Variants in ADGRB3 observed in about 807,000 individuals in gnomAD.
ADGRB3 encodes brain-specific angiogenesis inhibitor 3.
A neutral mutation model predicts 193.4 loss-of-function variants in ADGRB3; 37 were observed. The ratio of observed to expected loss-of-function variants is 0.19; its 90% CI spans 0.15 to 0.25. The LOEUF is 0.25. Among genes scored for constraint, ADGRB3 ranks in the 10% least tolerant of loss-of-function variants. ADGRB3 has a pLI of 1.00. For synonymous variants in ADGRB3, 690 were observed against 644.2 expected (o/e 1.07, Z -1.08); for missense variants, 1,637 against 1,852.9 (o/e 0.88, Z 2.14).
At chr6:69,383,801 G>A (rs1419568367) in intron 31 of ADGRB3, among the ~76,000 whole-genome samples, 1 of 152,032 alleles carries the variant, frequency 6.6e-6, no homozygotes, top group Non-Finnish European at 1.5e-5. Context: ...ATAAGACATA[G>A]AGCTGGGACT....
chr6:69,149,922 T>TTC (rs1186224665), intron 17 of ADGRB3, among the ~76,000 whole-genome samples: 16 of 125,544 alleles, frequency 1.3e-4, no homozygotes, highest in Admixed American at 4.3e-4. Context: ...CTGTCTGTCT[T>TTC]TCTGTGTGTG....
chr6:69,244,427 C>G (rs1481806149), intron 20 of ADGRB3, among the ~76,000 whole-genome samples: 2 of 152,072 alleles, frequency 1.3e-5, no homozygotes, highest in Non-Finnish European at 2.9e-5. Flanking sequence ...CAAGCACTCT[C>G]TAATTCAACT....
At chr6:69,225,914 G>A (rs979490131) in intron 17 of ADGRB3, among the ~76,000 whole-genome samples, 1 of 152,100 alleles carries the variant, frequency 6.6e-6, no homozygotes, top group Non-Finnish European at 1.5e-5. Flanking sequence ...ATGATGGCAG[G>A]TAGCATATTT....
rs143577703 is a variant in ADGRB3 at position 68,764,095 on chromosome 6, A to G, written c.757+124663A>G. ...TCAAATACATACATAAATAAATAAA[A>G]TTTTTAGACATGAAATAGGCATTGG... is the stretch of plus-strand genomic sequence containing the variant. On this transcript the variant is annotated intron_variant, in intron 3 of 31. Coordinates refer to ENST00000370598, the MANE Select transcript of ADGRB3 (RefSeq NM_001704.3). Among the ~76,000 whole-genome samples, 263 of 152,236 alleles carry G rather than the reference A, an allele frequency of 1.7e-3. 1 individual carries two copies. Among genetic ancestry groups the G allele is most frequent in the African/African-American group, 5.8e-3 (243 of 41,540 alleles).
At chr6:69,119,468 G>A (rs1339909620) in intron 17 of ADGRB3, among the ~76,000 whole-genome samples, 2 of 152,152 alleles carry the variant, frequency 1.3e-5, no homozygotes, top group African/African-American at 4.8e-5. Context: ...GGTAATATGT[G>A]CTTTGAAAAA....
At chr6:69,243,100 T>C (rs147072747) in intron 20 of ADGRB3, among the ~76,000 whole-genome samples, 43 of 152,018 alleles carry the variant, frequency 2.8e-4, no homozygotes, top group African/African-American at 9.2e-4. Context: ...TTTTAACTGA[T>C]AGAAGACAAA....
At chr6:68,662,984 A>C (rs1247878518) in intron 3 of ADGRB3, among the ~76,000 whole-genome samples, 2 of 151,110 alleles carry the variant, frequency 1.3e-5, no homozygotes, top group Non-Finnish European at 1.5e-5. Context: ...GGTTAAATAG[A>C]TAATAACTTT....
intron 3 of ADGRB3, among the ~76,000 whole-genome samples, chr6:68,695,542 A>G (rs1384741868): frequency 2.6e-5 from 4 of 152,046 alleles, no homozygotes; most frequent in African/African-American, 9.7e-5. Context: ...AGGATGTAAA[A>G]GAAAGCCTAG....
intron 3 of ADGRB3, among the ~76,000 whole-genome samples, chr6:68,879,213 C>CT (rs529789046): frequency 0.071 from 6,537 of 91,924 alleles, 1,035 homozygotes; most frequent in African/African-American, 0.21. Context: ...CTTTTTGTCG[C>CT]TTTTTTTTTT....
intron 20 of ADGRB3, among the ~76,000 whole-genome samples, chr6:69,250,987 A>G (rs2127266830): frequency 6.6e-6 from 1 of 152,196 alleles, no homozygotes; most frequent in Middle Eastern, 3.4e-3. Context: ...CCTCATATTC[A>G]TTACTCTTTT....
intron 17 of ADGRB3, among the ~76,000 whole-genome samples, chr6:69,227,577 T>C (rs1026284271): frequency 2.6e-5 from 4 of 152,228 alleles, no homozygotes; most frequent in Admixed American, 6.5e-5. Context: ...TGGGATAATT[T>C]GTAGAACTGA....
chr6:69,119,573 G>A (rs577859654), intron 17 of ADGRB3, among the ~76,000 whole-genome samples: 2 of 137,166 alleles, frequency 1.5e-5, no homozygotes, highest in South Asian at 5.5e-4. Context: ...AAGACTTTAA[G>A]GAAATAAGAT....
intron 13 of ADGRB3, among the ~76,000 whole-genome samples, chr6:69,043,000 G>A (rs970175699): frequency 6.6e-5 from 10 of 152,052 alleles, no homozygotes; most frequent in Non-Finnish European, 1.2e-4. Flanking sequence ...GAGTTACTGC[G>A]TTTACCACTT....
intron 3 of ADGRB3, among the ~76,000 whole-genome samples, chr6:68,748,155 A>G (rs764770177): frequency 1.2e-4 from 19 of 152,112 alleles, no homozygotes; most frequent in Non-Finnish European, 2.6e-4. Context: ...GGACACAGCC[A>G]AGCAGTATCA....
intron 3 of ADGRB3, among the ~76,000 whole-genome samples, chr6:68,859,748 A>T (rs1482771391): frequency 6.6e-6 from 1 of 152,164 alleles, no homozygotes; most frequent in Non-Finnish European, 1.5e-5. Context: ...CATGGGAATT[A>T]TGGGAGCTAC....
chr6:69,266,649 C>T (rs187044433), intron 20 of ADGRB3, among the ~76,000 whole-genome samples: 27 of 152,044 alleles, frequency 1.8e-4, no homozygotes, highest in African/African-American at 2.4e-5. Flanking sequence ...TGTATGTGTG[C>T]ATACACAGAT....
chr6:69,052,885 T>G (rs548845141), intron 15 of ADGRB3, among the ~76,000 whole-genome samples: 1 of 152,140 alleles, frequency 6.6e-6, no homozygotes, highest in Non-Finnish European at 1.5e-5. Context: ...TAATTTCTTA[T>G]AGATAGAAAA....
At chr6:68,955,890 T>C (rs1290074084) in intron 6 of ADGRB3, 134 bp from the exon 7 acceptor site, 2 of 751,224 alleles carry the variant, frequency 2.7e-6, no homozygotes, top group Non-Finnish European at 4.1e-6. Context: ...CTCATGCTGG[T>C]GTGACCTTCC....
chr6:69,218,170 T>TC (rs1204836328), intron 17 of ADGRB3, among the ~76,000 whole-genome samples: 3 of 152,082 alleles, frequency 2.0e-5, no homozygotes, highest in Non-Finnish European at 2.9e-5. Context: ...ATGAGACCTT[T>TC]CCTCCAAAGT....
Sources: allele counts gnomAD v4.1 joint callset (sites outside exome capture counted in the v4.1 genomes callset), GRCh38; gene constraint gnomAD v4.1.1; transcripts MANE v1.5; gene names NCBI Gene and HGNC (gene_info 2026-07-23, HGNC 2026-07-21).